PARP2: variants seen among roughly 807,000 people sequenced by gnomAD.
PARP2 encodes poly(ADP-ribose) polymerase 2.
PARP2 carries 57 observed loss-of-function variants against 77.8 expected under a neutral mutation model. That is an observed-to-expected ratio of 0.73 (90% CI 0.59 to 0.91). PARP2 has a LOEUF of 0.91. PARP2 is among the 40% of genes least tolerant of loss of function. PARP2 has a pLI of 0.00. For synonymous variants in PARP2, 226 were observed against 242.6 expected, an observed-to-expected ratio of 0.93 and a Z score of 0.64; for missense variants, 651 against 689.0, an observed-to-expected ratio of 0.94 and a Z score of 0.62.
chr14:20,357,302 AG>A, intron 14 of PARP2, 93 bp from the exon 15 acceptor site: 2 of 1,424,028 alleles, frequency 1.4e-6, no homozygotes, highest in African/African-American at 1.4e-5. Context: ...CTGCTGGAGT[AG>A]GGGAAAAAAG....
In PARP2 at chr14:20,355,759, A is replaced by G. The variant is rs1462562585; in HGVS notation, c.910A>G (p.Thr304Ala). Residue 304 changes from threonine to alanine, a missense_variant, in exon 10 of 16, where the codon ACT (threonine) becomes GCT (alanine). By Grantham distance (58) the Thr-to-Ala change is moderately conservative (BLOSUM62 0). Transcript: ENST00000429687. ...TTATATCTCTGTTCTTAGACTCCGT[A>G]CTCCTCCACTAATCCGGACACAGAA... ...TRIPHDFGLR[T>A]PPLIRTQKEL... 1 of 1,612,902 alleles carries G rather than the reference A, an allele frequency of 6.2e-7. No homozygotes were observed. The highest frequency in any genetic ancestry group is 1.7e-5 in the Admixed American group (1 of 59,974).
chr14:20,350,915 T>C (rs1373944860), intron 5 of PARP2, 132 bp from the exon 6 acceptor site: 2 of 682,384 alleles, frequency 2.9e-6, no homozygotes, highest in East Asian at 5.4e-5. Flanking sequence ...ATCAACATGA[T>C]TAGTTCCCTA....
At chr14:20,353,357 C>A (rs1884028290) in intron 7 of PARP2, among the ~76,000 whole-genome samples, 1 of 152,050 alleles carries the variant, frequency 6.6e-6, no homozygotes, top group Non-Finnish European at 1.5e-5. Context: ...TCTCCTGCCT[C>A]AGCCTCCGGA....
chr14:20,352,858 GCT>G (rs1399664257), intron 7 of PARP2: 3 of 150,374 alleles, frequency 2.0e-5, no homozygotes, highest in African/African-American at 7.4e-5. Flanking sequence ...TCTAGTCTTG[GCT>G]CTGTTATTTA....
At chr14:20,351,619 T>C (rs1314557387) in intron 6 of PARP2, among the ~76,000 whole-genome samples, 1 of 152,260 alleles carries the variant, frequency 6.6e-6, no homozygotes, top group African/African-American at 2.4e-5. Context: ...TAAATCAAAC[T>C]AATACCTTGA....
chr14:20,355,698 C>G, intron 9 of PARP2, 54 bp from the exon 10 acceptor site: 1 of 1,377,526 alleles, frequency 7.3e-7, no homozygotes, highest in Non-Finnish European at 1.0e-6. Flanking sequence ...TTTAGTCATG[C>G]GCCTTTTAGC....
intron 9 of PARP2, chr14:20,355,391 G>A (rs763934158): frequency 2.3e-4 from 43 of 184,864 alleles, no homozygotes; most frequent in Non-Finnish European, 3.7e-4. Context: ...ATAGAGCCCC[G>A]TGACCTAGAA....
At chr14:20,354,411 T>C (rs754877828) in intron 8 of PARP2, among the ~76,000 whole-genome samples, 164 bp downstream of exon 8, 2 of 152,152 alleles carry the variant, frequency 1.3e-5, no homozygotes, top group African/African-American at 2.4e-5. Flanking sequence ...ATTTTGAAAG[T>C]TGAGGCTGGG....
rs758975087 is a variant in PARP2 at position 20,347,356 on chromosome 14, G to A, written c.324+443G>A. 5.1e-3 allele frequency among the ~76,000 whole-genome samples: 150 copies of A among 29,536 alleles called. 2 individuals carry two copies. Among genetic ancestry groups the A allele is most frequent in the African/African-American group, 0.011 (65 of 6,086 alleles). 19.4% of individuals were successfully genotyped at this position (29,536 alleles called of 152,430 possible). On this transcript the variant is annotated intron_variant, in intron 4 of 15. Transcript: ENST00000429687. Reference sequence around the variant, plus strand: ...CCTAAAGTCCTTCATATGTGTGTGTGTATATATATATATATATATATATAT... The same window carrying A: ...CCTAAAGTCCTTCATATGTGTGTGTATATATATATATATATATATATATAT...
chr14:20,357,351 A>C (rs1884195398), intron 14 of PARP2, 45 bp from the exon 15 acceptor site: 5 of 1,571,736 alleles, frequency 3.2e-6, no homozygotes, highest in Non-Finnish European at 4.3e-6. Context: ...GGAGCCATCT[A>C]ATTCTTAGTA....
chr14:20,357,693 G>A lies in PARP2; in HGVS notation c.1609G>A (p.Asp537Asn). The A allele has an allele frequency of 6.2e-7, 1 of 1,614,000 alleles. No individual in the cohort carries two copies. Among genetic ancestry groups the A allele is most frequent in the Non-Finnish European group, 8.5e-7 (1 of 1,179,888 alleles). ...PASDTGILNP[D>N]GYTLNYNEYI... ...AAGTGACACAGGAATTCTGAATCCA[G>A]ATGGTTATACCCTCAACTACAATGA... The change falls in exon 16 of 16, where the codon GAT becomes AAT. Residue 537 changes from aspartate (D) to asparagine (N), a missense_variant. Physicochemically the swap from Asp to Asn is conservative, Grantham distance 23. Coordinates refer to ENST00000429687, the MANE Select transcript of PARP2 (RefSeq NM_001042618.2).
At chr14:20,344,837 T>C (rs753029372) in intron 1 of PARP2, 95 bp from the exon 2 acceptor site, 146 of 874,390 alleles carry the variant, frequency 1.7e-4, no homozygotes, top group Non-Finnish European at 2.3e-4. Flanking sequence ...GAGAAAATTA[T>C]CTTAAACCAT....
At chr14:20,347,783 T>C (rs951171712) in intron 4 of PARP2, among the ~76,000 whole-genome samples, 3 of 152,042 alleles carry the variant, frequency 2.0e-5, no homozygotes, top group Non-Finnish European at 4.4e-5. Context: ...TCTTATCAGA[T>C]AGCAGAGTCC....
At chr14:20,353,840 G>C (rs1249099394) in intron 7 of PARP2, among the ~76,000 whole-genome samples, 1 of 152,044 alleles carries the variant, frequency 6.6e-6, no homozygotes, top group Non-Finnish European at 1.5e-5. Context: ...GTAAAATGTG[G>C]GAGGCAGAAC....
intron 8 of PARP2, 79 bp from the exon 9 acceptor site, chr14:20,354,730 C>CT: frequency 7.3e-7 from 1 of 1,374,316 alleles, no homozygotes; most frequent in Non-Finnish European, 9.9e-7. Context: ...AGATGAAAGT[C>CT]TTTTTTAGGG....
chr14:20,353,236 G>GT (rs1255693194), intron 7 of PARP2, among the ~76,000 whole-genome samples: 9 of 148,188 alleles, frequency 6.1e-5, no homozygotes, highest in Non-Finnish European at 1.2e-4. Context: ...TGTTTTTTTC[G>GT]TTTTTTTGTT....
chr14:20,357,234 GT>G, intron 14 of PARP2, 85 bp downstream of exon 14: 1 of 1,325,842 alleles, frequency 7.5e-7, no homozygotes. Flanking sequence ...GAACCAAGAG[GT>G]TTACCTGGGA....
chr14:20,345,162 C>G (rs371025002), intron 2 of PARP2, 75 bp downstream of exon 2: 64 of 1,517,076 alleles, frequency 4.2e-5, no homozygotes, highest in Middle Eastern at 1.7e-4. Flanking sequence ...CTTGTTATTT[C>G]AACTCCTATT....
In PARP2 at chr14:20,354,942, C is replaced by A; in HGVS notation, c.897C>A (p.Asp299Glu). Residue 299 changes from aspartate to glutamate, a missense_variant, in exon 9 of 16, where the codon GAC becomes GAA. By Grantham distance (45) the Asp-to-Glu change is conservative. Transcript: ENST00000429687. ...CNEFYTRIPH[D>E]FGLRTPPLIR... ...AATTCTACACCAGGATTCCGCATGACTTTGGGTAAGGCCTGTGCTGTTACT... is the reference window on the plus strand; with the variant it reads ...AATTCTACACCAGGATTCCGCATGAATTTGGGTAAGGCCTGTGCTGTTACT... The A allele has an allele frequency of 6.2e-7, 1 of 1,613,190 alleles. No individual in the cohort carries two copies. The highest frequency in any genetic ancestry group is 8.5e-7 in the Non-Finnish European group (1 of 1,179,498).
Sources: allele counts gnomAD v4.1 joint callset (sites outside exome capture counted in the v4.1 genomes callset), GRCh38; gene constraint gnomAD v4.1.1; transcripts MANE v1.5; gene names NCBI Gene and HGNC (gene_info 2026-07-23, HGNC 2026-07-21).